The following GLIPR1L2 variants were observed in gnomAD, a reference collection of about 807,000 sequenced individuals.
GLIPR1L2 encodes the protein GLIPR1 like 2, also known as GLIPR1-like protein 2.
In GLIPR1L2, 21 loss-of-function variants were observed where a neutral mutation model predicts 28.4. That is an observed-to-expected ratio of 0.74 (90% CI 0.52 to 1.06). The LOEUF (loss-of-function observed/expected upper bound fraction) is 1.06. GLIPR1L2 is among the 50% of genes least tolerant of loss of function. GLIPR1L2 has a pLI of 0.00. For synonymous variants in GLIPR1L2, 145 were observed against 139.3 expected, an observed-to-expected ratio of 1.04 and a Z score of -0.29; for missense variants, 476 against 416.9, an observed-to-expected ratio of 1.14 and a Z score of -1.23.
chr12:75,398,752 A>G (rs1034708823), intron 1 of GLIPR1L2, among the ~76,000 whole-genome samples: 4 of 152,236 alleles, frequency 2.6e-5, no homozygotes, highest in African/African-American at 4.8e-5. Context: ...AGAACAGTGC[A>G]GTCAATGTTA....
chr12:75,410,713 A>G (rs919297916), intron 2 of GLIPR1L2, 34 bp downstream of exon 2: 11 of 1,453,094 alleles, frequency 7.6e-6, no homozygotes, highest in Non-Finnish European at 1.0e-5. Flanking sequence ...TAATTCAAAC[A>G]CTTCTTAATT....
At chr12:75,402,596 G>T (rs936986977) in intron 1 of GLIPR1L2, among the ~76,000 whole-genome samples, 4 of 152,056 alleles carry the variant, frequency 2.6e-5, no homozygotes, top group African/African-American at 4.8e-5. Context: ...AATTTGTTCA[G>T]TTTCCAAAAT....
chr12:75,413,894 C>A (rs1273573097), intron 3 of GLIPR1L2, among the ~76,000 whole-genome samples, 193 bp downstream of exon 3: 1 of 151,780 alleles, frequency 6.6e-6, no homozygotes, highest in Non-Finnish European at 1.5e-5. Flanking sequence ...ATACACTAGC[C>A]AAATATTACT....
At chr12:75,410,797 A>G (rs2045859460) in intron 2 of GLIPR1L2, 118 bp downstream of exon 2, 2 of 760,010 alleles carry the variant, frequency 2.6e-6, no homozygotes, top group East Asian at 2.9e-5. Flanking sequence ...ATTTAATAAG[A>G]TCACAATTTT....
At chr12:75,419,109 A>G (rs955794486) in intron 3 of GLIPR1L2, among the ~76,000 whole-genome samples, 3 of 152,182 alleles carry the variant, frequency 2.0e-5, no homozygotes, top group Non-Finnish European at 2.9e-5. Flanking sequence ...ATGTATACCT[A>G]TGTAACAAAC....
At chr12:75,409,726 TCCG>T (rs1428272900) in intron 1 of GLIPR1L2, among the ~76,000 whole-genome samples, 347 of 105,088 alleles carry the variant, frequency 3.3e-3, no homozygotes, top group African/African-American at 0.011. Flanking sequence ...GTATATCTAA[TCCG>T]ATATATATAA....
At chr12:75,419,297 A>G (rs1037267147) in intron 3 of GLIPR1L2, among the ~76,000 whole-genome samples, 1 of 152,184 alleles carries the variant, frequency 6.6e-6, no homozygotes, top group African/African-American at 2.4e-5. Context: ...TGGAAGGAGG[A>G]TAGGAGGTTA....
intron 1 of GLIPR1L2, chr12:75,391,577 G>A (rs1321898712): frequency 1.4e-6 from 2 of 1,464,846 alleles, no homozygotes; most frequent in Middle Eastern, 1.7e-4. Flanking sequence ...AGGTGATGGA[G>A]GCACTGGCCT....
intron 3 of GLIPR1L2, among the ~76,000 whole-genome samples, chr12:75,421,905 C>A (rs2045979790): frequency 6.6e-6 from 1 of 152,030 alleles, no homozygotes; most frequent in Non-Finnish European, 1.5e-5. Flanking sequence ...TATATCATTT[C>A]TATGAAACTT....
At chr12:75,395,093 CT>C (rs2045669502) in intron 1 of GLIPR1L2, among the ~76,000 whole-genome samples, 1 of 151,846 alleles carries the variant, frequency 6.6e-6, no homozygotes, top group Non-Finnish European at 1.5e-5. Context: ...ATTTTGTAAC[CT>C]GCTACTTTTC....
At chr12:75,427,068 A>C (rs1040896218) in intron 4 of GLIPR1L2, among the ~76,000 whole-genome samples, 1 of 152,216 alleles carries the variant, frequency 6.6e-6, no homozygotes, top group African/African-American at 2.4e-5. Context: ...GAAACATACA[A>C]ATGATACAAT....
rs531636153 is a variant in GLIPR1L2, at chr12:75,427,432, A to G, written c.671-3283A>G. Among the ~76,000 whole-genome samples, 26 of 152,330 alleles carry G rather than the reference A, an allele frequency of 1.7e-4. 1 individual carries two copies. In the South Asian group the frequency reaches 5.2e-3, roughly 30 times the overall value. On this transcript the variant is annotated intron_variant, in intron 4 of 5. Transcript: ENST00000550916. ...AAAATATAAAGTAAGACCAAGCGCA[A>G]AAGGCTAAAATAACGGCAAAGATCC...
chr12:75,403,152 T>A (rs1290212090), intron 1 of GLIPR1L2: 1 of 456,660 alleles, frequency 2.2e-6, no homozygotes, highest in Non-Finnish European at 4.4e-6. Flanking sequence ...CATTGGTGAG[T>A]CTGACTCCTG....
chr12:75,423,830 T>G (rs1025477632), intron 4 of GLIPR1L2: 1 of 152,234 alleles, frequency 6.6e-6, no homozygotes, highest in African/African-American at 2.4e-5. Flanking sequence ...TGGTTTTCTG[T>G]TCTTGTGATA....
At chr12:75,402,887 TC>T (rs2045757648) in intron 1 of GLIPR1L2, 2 of 419,904 alleles carry the variant, frequency 4.8e-6, no homozygotes, top group Non-Finnish European at 9.6e-6. Context: ...TCCCCACTTA[TC>T]CTTGCTGTAT....
intron 3 of GLIPR1L2, among the ~76,000 whole-genome samples, chr12:75,417,962 T>C (rs747290072): frequency 1.1e-4 from 16 of 152,130 alleles, no homozygotes; most frequent in Admixed American, 2.0e-4. Context: ...TGATAGGTAA[T>C]GTTATTAACT....
chr12:75,427,034 C>CA (rs915282514), intron 4 of GLIPR1L2, among the ~76,000 whole-genome samples: 25 of 145,794 alleles, frequency 1.7e-4, no homozygotes, highest in Non-Finnish European at 2.6e-4. Context: ...GTTATAGTCA[C>CA]AAAAAAAAAT....
chr12:75,412,536 A>T (rs1313620808), intron 2 of GLIPR1L2, among the ~76,000 whole-genome samples: 2 of 152,190 alleles, frequency 1.3e-5, no homozygotes, highest in African/African-American at 4.8e-5. Context: ...TGGGCAAAGG[A>T]TATGAACAGA....
At chr12:75,410,345 C>A in intron 1 of GLIPR1L2, 89 bp from the exon 2 acceptor site, 1 of 1,252,452 alleles carries the variant, frequency 8.0e-7, no homozygotes, top group South Asian at 1.8e-5. Flanking sequence ...GAATTGTTTC[C>A]TTTAAATCTA....
Sources: allele counts gnomAD v4.1 joint callset (sites outside exome capture counted in the v4.1 genomes callset), GRCh38; gene constraint gnomAD v4.1.1; transcripts MANE v1.5; gene names NCBI Gene and HGNC (gene_info 2026-07-23, HGNC 2026-07-21).